Variants in MDGA2 observed in about 807,000 individuals in gnomAD.
The protein encoded by MDGA2 is MAM domain containing glycosylphosphatidylinositol anchor 2, also known as MAM domain-containing glycosylphosphatidylinositol anchor protein 2.
Under a neutral mutation model 117.8 loss-of-function variants are expected in MDGA2, and 40 were observed. The observed-to-expected ratio is 0.34, with a 90% CI of 0.26 to 0.44. The LOEUF is 0.44. MDGA2 is among the 20% of genes least tolerant of loss of function. The pLI is 1.00. For synonymous variants in MDGA2, 452 were observed against 439.0 expected (o/e 1.03, Z -0.37); for missense variants, 1,123 against 1,250.6 (o/e 0.90, Z 1.54).
At chr14:47,462,104 G>A (rs1028516637) in intron 1 of MDGA2, among the ~76,000 whole-genome samples, 3 of 152,246 alleles carry the variant, frequency 2.0e-5, no homozygotes, top group Non-Finnish European at 4.4e-5. Flanking sequence ...ACTTGCAAGC[G>A]CGGTGGCTCA....
At chr14:46,850,719 A>G (rs2138286847) in intron 15 of MDGA2, among the ~76,000 whole-genome samples, 1 of 152,016 alleles carries the variant, frequency 6.6e-6, no homozygotes, top group East Asian at 1.9e-4. Flanking sequence ...TTCCCTGGGG[A>G]AACTACCCAA....
At chr14:47,623,912 C>A (rs1327784297) in intron 1 of MDGA2, among the ~76,000 whole-genome samples, 1 of 152,126 alleles carries the variant, frequency 6.6e-6, no homozygotes, top group Non-Finnish European at 1.5e-5. Flanking sequence ...CAAACAAATT[C>A]TTTTGTTTAA....
intron 2 of MDGA2, among the ~76,000 whole-genome samples, chr14:47,253,912 C>T (rs995332484): frequency 1.3e-5 from 2 of 152,262 alleles, no homozygotes; most frequent in African/African-American, 4.8e-5. Flanking sequence ...CAGTTATTTT[C>T]CTCTGTATAC....
At chr14:47,494,840 G>A (rs1894245947) in intron 1 of MDGA2, among the ~76,000 whole-genome samples, 5 of 150,144 alleles carry the variant, frequency 3.3e-5, no homozygotes, top group Admixed American at 3.3e-4. Flanking sequence ...TAGGTATGAA[G>A]CATCTATCAA....
chr14:46,875,343 A>G (rs1370553602), intron 12 of MDGA2, among the ~76,000 whole-genome samples: 2 of 151,776 alleles, frequency 1.3e-5, no homozygotes, highest in East Asian at 3.9e-4. Context: ...AAAATAAAAC[A>G]GAAGGCTTTT....
At chr14:47,062,826 T>A (rs1213943485) in intron 6 of MDGA2, among the ~76,000 whole-genome samples, 1 of 152,136 alleles carries the variant, frequency 6.6e-6, no homozygotes, top group Non-Finnish European at 1.5e-5. Flanking sequence ...AATATACTTT[T>A]AAGTCTTAAA....
chr14:46,982,333 G>A (rs1886704592), intron 8 of MDGA2, among the ~76,000 whole-genome samples: 1 of 151,894 alleles, frequency 6.6e-6, no homozygotes, highest in South Asian at 2.1e-4. Context: ...TATTAAAATG[G>A]TATATATTAA....
intron 3 of MDGA2, chr14:47,200,829 C>G: frequency 1.2e-6 from 1 of 806,128 alleles, no homozygotes; most frequent in Non-Finnish European, 2.2e-6. Context: ...GCAGCAGGAG[C>G]CACCATCCAT....
At chr14:47,593,895 T>C (rs1349683693) in intron 1 of MDGA2, among the ~76,000 whole-genome samples, 1 of 152,064 alleles carries the variant, frequency 6.6e-6, no homozygotes, top group Admixed American at 6.6e-5. Flanking sequence ...TAAAATAACA[T>C]AAAATACTTG....
At chr14:47,402,012 CA>C (rs1364971805) in intron 1 of MDGA2, among the ~76,000 whole-genome samples, 1 of 152,052 alleles carries the variant, frequency 6.6e-6, no homozygotes, top group East Asian at 1.9e-4. Context: ...ATTTTGTGGT[CA>C]AAAGTTAGCA....
At chr14:47,250,573 T>G (rs1481130969) in intron 2 of MDGA2, among the ~76,000 whole-genome samples, 3 of 152,120 alleles carry the variant, frequency 2.0e-5, no homozygotes, top group Non-Finnish European at 4.4e-5. Context: ...CTGAATCGAC[T>G]AGAGTTCTCT....
intron 1 of MDGA2, among the ~76,000 whole-genome samples, chr14:47,417,516 CT>C (rs1892498413): frequency 6.6e-6 from 1 of 152,162 alleles, no homozygotes; most frequent in Non-Finnish European, 1.5e-5. Context: ...TTGATGGTGG[CT>C]TTATCTACTA....
At chr14:46,993,831 T>C (rs1887185956) in intron 8 of MDGA2, among the ~76,000 whole-genome samples, 1 of 152,180 alleles carries the variant, frequency 6.6e-6, no homozygotes, top group African/African-American at 2.4e-5. Context: ...TTTATAAAAC[T>C]ATGTAGTATA....
intron 1 of MDGA2, among the ~76,000 whole-genome samples, chr14:47,477,374 A>T (rs778949010): frequency 1.3e-5 from 2 of 152,186 alleles, no homozygotes; most frequent in Non-Finnish European, 2.9e-5. Context: ...AACCTAAAGT[A>T]GTGTCAAGTA....
intron 7 of MDGA2, among the ~76,000 whole-genome samples, chr14:47,053,654 T>TACACACACAC (rs746996959): frequency 1.4e-3 from 97 of 67,202 alleles, no homozygotes; most frequent in Non-Finnish European, 2.1e-3. Context: ...TATATATATA[T>TACACACACAC]ACACACACAC....
intron 4 of MDGA2, 121 bp from the exon 5 acceptor site, chr14:47,131,967 CTTTT>C (rs573794871): frequency 1.2e-5 from 9 of 763,956 alleles, no homozygotes; most frequent in Non-Finnish European, 1.7e-5. Context: ...GACAGACTGT[CTTTT>C]TTTAAGGGAA....
At chr14:47,019,812 C>A (rs1181660108) in intron 8 of MDGA2, among the ~76,000 whole-genome samples, 1 of 144,882 alleles carries the variant, frequency 6.9e-6, no homozygotes, top group Non-Finnish European at 1.5e-5. Context: ...CCACTCCAGC[C>A]GGGGCGACAG....
At chr14:47,467,235 T>C (rs370373141) in intron 1 of MDGA2, among the ~76,000 whole-genome samples, 27 of 152,216 alleles carry the variant, frequency 1.8e-4, no homozygotes, top group African/African-American at 6.3e-4. Context: ...TGAGAAAGGT[T>C]TCCTTTACCC....
rs538537771 is a variant in MDGA2, at chr14:47,064,783, G to A, written c.1196-3205C>T. On this transcript the variant is annotated intron_variant, in intron 6 of 16. Coordinates refer to ENST00000399232, the MANE Select transcript of MDGA2 (RefSeq NM_001113498.3). Reference sequence around the variant, plus strand: ...AATCAACTGGGCAGCAGGTTCCTTCGTTTATAATTAAACGCTCTCTTTTTC... The same window carrying A: ...AATCAACTGGGCAGCAGGTTCCTTCATTTATAATTAAACGCTCTCTTTTTC... 6.6e-5 allele frequency among the ~76,000 whole-genome samples: 10 copies of A among 152,122 alleles called. No individual in the cohort carries two copies. The South Asian group carries it at 8.3e-4, about 13-fold the overall frequency.
Sources: gnomAD v4.1 joint callset for allele counts (sites outside exome capture counted in the v4.1 genomes callset) on GRCh38, gnomAD v4.1.1 for gene constraint, MANE v1.5 for transcripts, NCBI Gene and HGNC (gene_info 2026-07-23, HGNC 2026-07-21) for gene names.